The following MUC17 variants were observed in gnomAD, a reference collection of about 807,000 sequenced individuals.
The protein encoded by MUC17 is mucin 17, cell surface associated.
A neutral mutation model predicts 170.3 loss-of-function variants in MUC17; 190 were observed. That is an observed-to-expected ratio of 1.12 (90% CI 0.99 to 1.26). The LOEUF (loss-of-function observed/expected upper bound fraction) is 1.26, where lower values mean the gene tolerates loss of function less well. Ranked by LOEUF, MUC17 falls within the 50% of genes most tolerant of loss-of-function variation. The pLI is 0.00. For missense variants in MUC17, 6,415 were observed against 5,530.0 expected (o/e 1.16, Z -5.08); for synonymous variants, 2,325 against 2,002.5 (o/e 1.16, Z -4.30).
rs781552484 is a variant in MUC17, at chr7:101,039,445, G to T, written c.8029G>T (p.Ala2677Ser). Residue 2677 changes from alanine to serine, a missense_variant, in exon 3 of 13, where the codon GCT becomes TCT. Coordinates refer to ENST00000306151, the MANE Select transcript of MUC17 (RefSeq NM_001040105.2). ...TGGAACCAGTTCATCTCCTACAACT[G>T]CTGAAGGTAGCAGCATGCCAACCTC... is the stretch of plus-strand genomic sequence containing the variant. ...STGTSSSPTT[A>S]EGSSMPTSTP... The T allele has an allele frequency of 1.2e-6, 2 of 1,611,122 alleles. No individual in the cohort carries two copies. Among genetic ancestry groups the T allele is most frequent in the Non-Finnish European group, 1.7e-6 (2 of 1,178,824 alleles).
At chr7:101,031,045 T>G in intron 1 of MUC17, 75 bp from the exon 2 acceptor site, 2 of 1,484,782 alleles carry the variant, frequency 1.3e-6, no homozygotes, top group South Asian at 1.5e-5. Context: ...GGGCAGGGAG[T>G]AGAGACTCAG....
chr7:101,058,578 A>G lies in MUC17; in HGVS notation c.*534A>G, dbSNP rs1040871553. The G allele has an allele frequency of 1.3e-5, 2 of 152,500 alleles. No homozygotes were observed. The highest frequency in any genetic ancestry group is 2.9e-5 in the Non-Finnish European group (2 of 68,282). The allele number at this position is 152,500 out of a possible 1,614,324, so 9.4% of individuals were successfully genotyped here. On this transcript the variant is annotated 3_prime_UTR_variant, in exon 13 of 13. Coordinates refer to ENST00000306151, the MANE Select transcript of MUC17 (RefSeq NM_001040105.2). ...TTCCTCCCCTCATCTGCCCGGGTTCAGTACCATGGACAGCGCCCTCGACCC... is the reference window on the plus strand; with the variant it reads ...TTCCTCCCCTCATCTGCCCGGGTTCGGTACCATGGACAGCGCCCTCGACCC...
chr7:101,044,975 T>C (rs1794811135), intron 3 of MUC17, among the ~76,000 whole-genome samples: 1 of 152,230 alleles, frequency 6.6e-6, no homozygotes, highest in Admixed American at 6.5e-5. Flanking sequence ...AGTGTTTTGC[T>C]GTCCTTATGT....
rs776909466 is a variant in MUC17, at chr7:101,032,937, T to A, written c.1521T>A (p.Ser507Arg). 1 of 1,614,040 alleles carries A rather than the reference T, an allele frequency of 6.2e-7. No homozygotes were observed. The highest frequency in any genetic ancestry group is 8.5e-7 in the Non-Finnish European group (1 of 1,180,012). ...EVNSMPTSTP[S>R]EGSTPLTSMS... ...ACAGCATGCCAACCTCAACTCCTAG[T>A]GAAGGAAGCACTCCATTAACAAGTA... Residue 507 changes from serine to arginine, a missense_variant, in exon 3 of 13, where the codon AGT (serine) becomes AGA (arginine). Physicochemically the swap from Ser to Arg is moderately radical, Grantham distance 110 (BLOSUM62 -1). Transcript: ENST00000306151.
Position 101,032,546 on chromosome 7 carries a change from C to T in MUC17, c.1130C>T (p.Thr377Ile), listed in dbSNP as rs747088651. ...TSTEPSSLPT[T>I]AEATSMLTST... Reference sequence around the variant, plus strand: ...ACTGAACCCAGTTCACTTCCTACAACTGCTGAAGCTACCAGCATGCTAACC... The same window carrying T: ...ACTGAACCCAGTTCACTTCCTACAATTGCTGAAGCTACCAGCATGCTAACC... Residue 377 changes from threonine to isoleucine, a missense_variant, in exon 3 of 13, where the codon ACT (threonine) becomes ATT (isoleucine). By Grantham distance (89) the Thr-to-Ile change is moderately conservative. Transcript: ENST00000306151. 1 of 1,614,192 alleles carries T rather than the reference C, an allele frequency of 6.2e-7. No individual in the cohort carries two copies. Among genetic ancestry groups the T allele is most frequent in the Non-Finnish European group, 8.5e-7 (1 of 1,180,022 alleles).
Position 101,032,202 on chromosome 7 carries a change from T to TC in MUC17, c.789dup (p.Ser264GlnfsTer8). Reference sequence around the variant, plus strand: ...GTTCATCTCCTACAACTGCTGAAGGTCCCAGCCTGTCAAACTCAGCTCCTA... The same window carrying TC: ...GTTCATCTCCTACAACTGCTGAAGGTCCCCAGCCTGTCAAACTCAGCTCCTA... On this transcript the variant is annotated frameshift_variant, in exon 3 of 13. Transcript: ENST00000306151. LOFTEE classifies it high-confidence loss of function. The TC allele has an allele frequency of 6.2e-7, 1 of 1,614,046 alleles. No individual in the cohort carries two copies. The highest frequency in any genetic ancestry group is 8.5e-7 in the Non-Finnish European group (1 of 1,180,008).
In MUC17 at chr7:101,042,601, A is replaced by T; in HGVS notation, c.11185A>T (p.Thr3729Ser). 1 of 1,614,114 alleles carries T rather than the reference A, an allele frequency of 6.2e-7. No homozygotes were observed. The highest frequency in any genetic ancestry group is 8.5e-7 in the Non-Finnish European group (1 of 1,180,032). Residue 3729 changes from threonine to serine, a missense_variant, in exon 3 of 13, where the codon ACT (threonine) becomes TCT (serine). Physicochemically the swap from Thr to Ser is moderately conservative, Grantham distance 58. Transcript: ENST00000306151. The stretch of plus-strand genomic sequence containing the variant: ...CACCAGCACACCTGTGACCACTTCT[A>T]CTGAAGCCATTTCATCTTCTGCAAC... ...VVTSTPVTTS[T>S]EAISSSATLD...
At chr7:101,024,738 C>CT (rs35811119) in intron 1 of MUC17, among the ~76,000 whole-genome samples, 2,053 of 125,424 alleles carry the variant, frequency 0.016, 43 homozygotes, top group Non-Finnish European at 0.023. Context: ...CTGTCTCCTC[C>CT]TTTTTTTTTT....
At chr7:101,049,173 G>A in intron 5 of MUC17, 151 bp from the exon 6 acceptor site, 1 of 1,374,254 alleles carries the variant, frequency 7.3e-7, no homozygotes, top group African/African-American at 1.4e-5. Context: ...CCCCTGGGGT[G>A]GAGCAGGTCT....
At position 101,042,211 on chromosome 7, in the gene MUC17, C is replaced by G. The variant is rs769115048; in HGVS notation, c.10795C>G (p.Pro3599Ala). 6.2e-7 allele frequency: 1 copy of G among 1,614,078 alleles called. No individual in the cohort carries two copies. The highest frequency in any genetic ancestry group is 1.1e-5 in the South Asian group (1 of 91,072). The change falls in exon 3 of 13, where the codon CCT (proline) becomes GCT (alanine). Residue 3599 changes from proline (P) to alanine (A), a missense_variant. Physicochemically the swap from Pro to Ala is conservative, Grantham distance 27. Transcript: ENST00000306151. ...TTCTGAGGCTAGCACACCTTCCACT[C>G]CTTCTGTTGACAGAAGCACACCTGT... The part of the protein sequence containing the change: ...TSSEASTPST[P>A]SVDRSTPVTT...
chr7:101,053,639 A>G, intron 11 of MUC17: 1 of 455,340 alleles, frequency 2.2e-6, no homozygotes, highest in Non-Finnish European at 3.9e-6. Flanking sequence ...TAAAAAAGGG[A>G]GGCTGAGGCA....
rs1186688233 is a variant in MUC17, at chr7:101,058,727, T to G, written c.*683T>G. The G allele has an allele frequency of 6.6e-6, 1 of 152,312 alleles. No individual in the cohort carries two copies. Among genetic ancestry groups the G allele is most frequent in the Middle Eastern group, 3.4e-3 (1 of 294 alleles). The allele number at this position is 152,312 out of a possible 1,614,324, so 9.4% of individuals were successfully genotyped here. On this transcript the variant is annotated 3_prime_UTR_variant, in exon 13 of 13. Coordinates refer to ENST00000306151, the MANE Select transcript of MUC17 (RefSeq NM_001040105.2). The stretch of plus-strand genomic sequence containing the variant: ...ACACCTGTATTTAAATATAGAGCAT[T>G]TACCTTTTGGTATATAAGATTGTGG...
At chr7:101,021,086 T>C (rs1363687160) in intron 1 of MUC17, among the ~76,000 whole-genome samples, 1 of 152,164 alleles carries the variant, frequency 6.6e-6, no homozygotes, top group Non-Finnish European at 1.5e-5. Flanking sequence ...CCTTGCACTT[T>C]CTGTGCCTTC....
At chr7:101,053,875 C>T (rs1484403092) in intron 11 of MUC17, among the ~76,000 whole-genome samples, 1 of 144,074 alleles carries the variant, frequency 6.9e-6, no homozygotes, top group East Asian at 2.0e-4. Context: ...CACGAAACTC[C>T]GTCTCAAAAA....
At position 101,034,456 on chromosome 7, in the gene MUC17, T is replaced by C. The variant is rs1314362270; in HGVS notation, c.3040T>C (p.Leu1014=). ...AACTCCTGTTGACTCCAACACTCCT[T>C]TGACCACTTCTACTGAAGCCAGTTC... ...STTPVDSNTP[L]TTSTEASSPP... is the part of the protein sequence containing the mutation. Residue 1014 remains leucine (L), a synonymous_variant, in exon 3 of 13, where the codon TTG becomes CTG. Coordinates refer to ENST00000306151, the MANE Select transcript of MUC17 (RefSeq NM_001040105.2). The C allele has an allele frequency of 6.3e-7, 1 of 1,588,884 alleles. No individual in the cohort carries two copies. Among genetic ancestry groups the C allele is most frequent in the East Asian group, 2.3e-5 (1 of 43,006 alleles).
intron 11 of MUC17, among the ~76,000 whole-genome samples, chr7:101,055,325 AAAAGTGTAG>A (rs879788455): frequency 0.03 from 4,602 of 152,282 alleles, 211 homozygotes; most frequent in African/African-American, 0.11. Context: ...GGTTAGAAAC[AAAAGTGTAG>A]AAAAGACAAA....
At chr7:101,056,799 T>C (rs916833869) in intron 12 of MUC17, among the ~76,000 whole-genome samples, 3 of 152,190 alleles carry the variant, frequency 2.0e-5, no homozygotes, top group Non-Finnish European at 1.5e-5. Flanking sequence ...CACAATATCG[T>C]CTGGTACCCA....
In MUC17 at chr7:101,039,432, A is replaced by G. The variant is rs150872560; in HGVS notation, c.8016A>G (p.Ser2672=). The part of the protein sequence containing the change: ...TLVTTSTGTS[S]SPTTAEGSSM... ...TGACCACTTCCACTGGAACCAGTTC[A>G]TCTCCTACAACTGCTGAAGGTAGCA... is the stretch of plus-strand genomic sequence containing the variant. The change falls in exon 3 of 13, where the codon TCA becomes TCG. Residue 2672 remains serine (S), a synonymous_variant. Transcript: ENST00000306151. 2 of 1,607,026 alleles carry G rather than the reference A, an allele frequency of 1.2e-6. No homozygotes were observed. The highest frequency in any genetic ancestry group is 1.1e-5 in the South Asian group (1 of 90,718).
intron 12 of MUC17, 58 bp downstream of exon 12, chr7:101,056,328 C>T: frequency 6.2e-7 from 1 of 1,600,886 alleles, no homozygotes; most frequent in Non-Finnish European, 8.5e-7. Context: ...TTCTTCTTCT[C>T]CTTTCCTACA....
Sources: allele counts gnomAD v4.1 joint callset (sites outside exome capture counted in the v4.1 genomes callset), GRCh38; gene constraint gnomAD v4.1.1; transcripts MANE v1.5; gene names NCBI Gene and HGNC (gene_info 2026-07-23, HGNC 2026-07-21).